Variants in CDH5 observed in about 807,000 individuals in gnomAD.
The protein encoded by CDH5 is cadherin-5.
In CDH5, 28 loss-of-function variants were observed where a neutral mutation model predicts 62.0. The ratio of observed to expected loss-of-function variants is 0.45; its 90% CI spans 0.33 to 0.62. The LOEUF (loss-of-function observed/expected upper bound fraction) is 0.62. Ranked by LOEUF, CDH5 falls within the 20% of genes least tolerant of loss-of-function variation. The pLI, the probability that CDH5 is intolerant of heterozygous loss-of-function variation, is 0.02. For synonymous variants in CDH5, 464 were observed against 445.8 expected, an observed-to-expected ratio of 1.04 and a Z score of -0.52; for missense variants, 940 against 1,065.1, an observed-to-expected ratio of 0.88 and a Z score of 1.63.
At position 66,379,334 on chromosome 16, in the gene CDH5, G is replaced by A; in HGVS notation, c.-4G>A. ...CTTTCCCCAGATCTGTTCCTCCTGGGAAGATGCAGAGGCTCATGATGCTCC... is the reference window on the plus strand; with the variant it reads ...CTTTCCCCAGATCTGTTCCTCCTGGAAAGATGCAGAGGCTCATGATGCTCC... On this transcript the variant is annotated 5_prime_UTR_variant, in exon 2 of 12. Transcript: ENST00000341529. 1 of 1,604,382 alleles carries A rather than the reference G, an allele frequency of 6.2e-7. No individual in the cohort carries two copies. Among genetic ancestry groups the A allele is most frequent in the Non-Finnish European group, 8.5e-7 (1 of 1,173,358 alleles).
At chr16:66,395,018 C>CTGTTT (rs1961152550) in intron 7 of CDH5, among the ~76,000 whole-genome samples, 1 of 13,772 alleles carries the variant, frequency 7.3e-5, no homozygotes, top group African/African-American at 2.2e-4. Flanking sequence ...CCAGGCTAAT[C>CTGTTT]TTTTTTTTTT....
chr16:66,379,159 T>C, intron 1 of CDH5, 160 bp from the exon 2 acceptor site: 1 of 626,574 alleles, frequency 1.6e-6, no homozygotes, highest in South Asian at 2.0e-5. Flanking sequence ...AGTGCATGAC[T>C]GCTCCCTGAA....
At chr16:66,375,000 G>C (rs1035491302) in intron 1 of CDH5, among the ~76,000 whole-genome samples, 1 of 151,928 alleles carries the variant, frequency 6.6e-6, no homozygotes, top group Non-Finnish European at 1.5e-5. Context: ...TAATGACTGG[G>C]ACACATTCTG....
Position 66,392,394 on chromosome 16 carries a change from G to A in CDH5, c.1217+11G>A, listed in dbSNP as rs367807107. 2.1e-5 allele frequency: 34 copies of A among 1,613,706 alleles called. No homozygotes were observed. The highest frequency in any genetic ancestry group is 2.4e-5 in the Non-Finnish European group (28 of 1,179,852). Reference sequence around the variant, plus strand: ...TAGGCATAGCATTGGGTAAGGGGGCGTGTGTCGATGAGAATGATAAGGACA... The same window carrying A: ...TAGGCATAGCATTGGGTAAGGGGGCATGTGTCGATGAGAATGATAAGGACA... On this transcript the variant is annotated intron_variant, in intron 7 of 11. Coordinates refer to ENST00000341529, the MANE Select transcript of CDH5 (RefSeq NM_001795.5).
chr16:66,386,793 ACCT>A lies in CDH5; in HGVS notation c.211-14_211-12del, dbSNP rs780550452. Reference sequence around the variant, plus strand: ...CTGCCGCCCATTCCCAGCTCACGTCACCTCTTCTTTTCTAGATCAAGTCAAGCG... The same window carrying A: ...CTGCCGCCCATTCCCAGCTCACGTCACTTCTTTTCTAGATCAAGTCAAGCG... On this transcript the variant is annotated splice_polypyrimidine_tract_variant and intron_variant, in intron 2 of 11. Transcript: ENST00000341529. 1.3e-6 allele frequency: 2 copies of A among 1,584,628 alleles called. No individual in the cohort carries two copies. Among genetic ancestry groups the A allele is most frequent in the African/African-American group, 1.3e-5 (1 of 74,308 alleles).
intron 2 of CDH5, among the ~76,000 whole-genome samples, chr16:66,384,357 G>T (rs1232910305): frequency 6.6e-6 from 1 of 151,490 alleles, no homozygotes; most frequent in Non-Finnish European, 1.5e-5. Flanking sequence ...GACTCCCAAA[G>T]TGCTGGGATT....
At chr16:66,398,591 G>A (rs766106318) in intron 10 of CDH5, 30 bp downstream of exon 10, 2 of 1,165,144 alleles carry the variant, frequency 1.7e-6, no homozygotes, top group Non-Finnish European at 2.6e-6. Flanking sequence ...GTTCAGCTGG[G>A]CGTGATGACC....
rs1423526071 is a variant in CDH5 at position 66,402,752 on chromosome 16, C to T, written c.1938C>T (p.Asp646=). ...TCCACGAGCAGCTGGTCACCTACGA[C>T]GAGGAGGGCGGCGGCGAGATGGACA... ...PEIHEQLVTY[D]EEGGGEMDTT... The change falls in exon 12 of 12, where the codon GAC becomes GAT. Residue 646 remains aspartate (D), a synonymous_variant. Transcript: ENST00000341529. The T allele has an allele frequency of 1.4e-5, 22 of 1,609,070 alleles. No homozygotes were observed. Among genetic ancestry groups the T allele is most frequent in the Non-Finnish European group, 1.9e-5 (22 of 1,178,698 alleles).
chr16:66,379,909 GAT>G (rs1194553864), intron 2 of CDH5, among the ~76,000 whole-genome samples: 9 of 147,360 alleles, frequency 6.1e-5, no homozygotes, highest in Non-Finnish European at 1.2e-4. Flanking sequence ...TGATGGTGGT[GAT>G]GATAAAGGGG....
In CDH5 at chr16:66,398,086, G is replaced by A. The variant is rs772302571; in HGVS notation, c.1465G>A (p.Glu489Lys). Residue 489 changes from glutamate (E) to lysine (K), a missense_variant, in exon 9 of 12, where the codon GAG becomes AAG. Glu to Lys is a moderately conservative substitution (Grantham distance 56). Transcript: ENST00000341529. The stretch of plus-strand genomic sequence containing the variant: ...CAAGCCCTACCAGCCCAAAGTGTGT[G>A]AGAACGCTGTCCATGGCCAGGTGAG... ...FAKPYQPKVC[E>K]NAVHGQLVLQ... 6.2e-7 allele frequency: 1 copy of A among 1,614,234 alleles called. No individual in the cohort carries two copies. The highest frequency in any genetic ancestry group is 1.6e-4 in the Middle Eastern group (1 of 6,062).
intron 2 of CDH5, among the ~76,000 whole-genome samples, chr16:66,381,828 G>GCTTT (rs1960904247): frequency 6.6e-6 from 1 of 152,212 alleles, no homozygotes; most frequent in Non-Finnish European, 1.5e-5. Context: ...GCCCGCAGCT[G>GCTTT]CTTTCATGCT....
At chr16:66,367,699 A>T (rs1052672535) in intron 1 of CDH5, among the ~76,000 whole-genome samples, 1 of 152,184 alleles carries the variant, frequency 6.6e-6, no homozygotes, top group African/African-American at 2.4e-5. Context: ...TTCTTTCTTT[A>T]TATCTCAGTG....
intron 1 of CDH5, among the ~76,000 whole-genome samples, chr16:66,368,128 C>G (rs1243336997): frequency 6.6e-6 from 1 of 152,162 alleles, no homozygotes; most frequent in Non-Finnish European, 1.5e-5. Flanking sequence ...GTGTGATGGG[C>G]AGATAGGATT....
rs1412553159 is a variant in CDH5 at position 66,402,857 on chromosome 16, G to C, written c.2043G>C (p.Arg681=). The change falls in exon 12 of 12, where the codon CGG becomes CGC. Residue 681 remains arginine, a synonymous_variant. Coordinates refer to ENST00000341529, the MANE Select transcript of CDH5 (RefSeq NM_001795.5). ...CCCCGCGGCCCGCGCTGGACGCCCG[G>C]CCTTCCCTCTATGCGCAGGTGCAGA... is the stretch of plus-strand genomic sequence containing the variant. ...AKPPRPALDA[R]PSLYAQVQKP... 1 of 1,604,466 alleles carries C rather than the reference G, an allele frequency of 6.2e-7. No homozygotes were observed. Among genetic ancestry groups the C allele is most frequent in the South Asian group, 1.1e-5 (1 of 89,880 alleles).
chr16:66,395,044 T>C (rs1961154724), intron 7 of CDH5, among the ~76,000 whole-genome samples: 1 of 99,648 alleles, frequency 1.0e-5, no homozygotes, highest in Non-Finnish European at 2.0e-5. Context: ...TTTTTTTTTT[T>C]TTTTTTTTTT....
chr16:66,389,889 C>T (rs916280114), intron 5 of CDH5, among the ~76,000 whole-genome samples: 2 of 152,198 alleles, frequency 1.3e-5, no homozygotes, highest in African/African-American at 4.8e-5. Flanking sequence ...TCCCACAAGC[C>T]AGTGAACATG....
At chr16:66,372,106 CA>C (rs923893021) in intron 1 of CDH5, among the ~76,000 whole-genome samples, 1 of 152,226 alleles carries the variant, frequency 6.6e-6, no homozygotes, top group Admixed American at 6.5e-5. Context: ...CAGTGAGAGG[CA>C]GGACTCACTC....
intron 2 of CDH5, among the ~76,000 whole-genome samples, chr16:66,386,339 T>C (rs571018801): frequency 1.3e-5 from 2 of 152,110 alleles, no homozygotes; most frequent in African/African-American, 4.8e-5. Flanking sequence ...GTATATTGCA[T>C]ATTCGTGGGG....
chr16:66,390,493 G>A lies in CDH5; in HGVS notation c.872G>A (p.Arg291Gln), dbSNP rs755386476. Residue 291 changes from arginine to glutamine, a missense_variant, in exon 6 of 12, where the codon CGG becomes CAG. Transcript: ENST00000341529. ...FVEDPDEPQNRMTKYSILRGD... is the reference protein window; with the variant it reads ...FVEDPDEPQNQMTKYSILRGD... ...GAGGACCCAGATGAGCCCCAGAACC[G>A]GATGACCAAGTACAGCATCTTGCGG... 7 of 1,613,976 alleles carry A rather than the reference G, an allele frequency of 4.3e-6. No homozygotes were observed. Among genetic ancestry groups the A allele is most frequent in the East Asian group, 2.2e-5 (1 of 44,890 alleles).
Sources: gnomAD v4.1 joint callset for allele counts (sites outside exome capture counted in the v4.1 genomes callset) on GRCh38, gnomAD v4.1.1 for gene constraint, MANE v1.5 for transcripts, NCBI Gene and HGNC (gene_info 2026-07-23, HGNC 2026-07-21) for gene names.